Variants in ELMO1 observed in about 807,000 individuals in gnomAD.
The protein encoded by ELMO1 is engulfment and cell motility protein 1.
A neutral mutation model predicts 98.9 loss-of-function variants in ELMO1; 26 were observed. The observed-to-expected ratio is 0.26, with a 90% CI of 0.19 to 0.36. The LOEUF (loss-of-function observed/expected upper bound fraction) is 0.36. Among genes scored for constraint, ELMO1 ranks in the 10% least tolerant of loss-of-function variants. The pLI is 1.00. For missense variants in ELMO1, 627 were observed against 935.2 expected (o/e 0.67, Z 4.30); for synonymous variants, 346 against 346.0 (o/e 1.00, Z 0.00).
intron 16 of ELMO1, among the ~76,000 whole-genome samples, chr7:37,005,107 C>CAAAAAAA (rs35665315): frequency 5.0e-4 from 19 of 38,266 alleles, no homozygotes; most frequent in South Asian, 3.1e-3. Flanking sequence ...GGCTCTGTCT[C>CAAAAAAA]AAAAAAAAAA....
At chr7:37,042,777 C>T (rs1365051944) in intron 15 of ELMO1, among the ~76,000 whole-genome samples, 1 of 152,156 alleles carries the variant, frequency 6.6e-6, no homozygotes, top group African/African-American at 2.4e-5. Context: ...CTCCTCATGG[C>T]TGCTTTCTTT....
intron 16 of ELMO1, among the ~76,000 whole-genome samples, chr7:36,927,928 C>G (rs1289158297): frequency 6.6e-6 from 1 of 152,124 alleles, no homozygotes; most frequent in East Asian, 1.9e-4. Flanking sequence ...TGATTGATCT[C>G]ACAACAGTTC....
chr7:37,024,750 T>A (rs1794472393), intron 15 of ELMO1, among the ~76,000 whole-genome samples: 1 of 152,234 alleles, frequency 6.6e-6, no homozygotes, highest in African/African-American at 2.4e-5. Context: ...CACCTGACAT[T>A]TGGTAAGCAC....
At chr7:37,182,279 C>T (rs1017039080) in intron 13 of ELMO1, among the ~76,000 whole-genome samples, 5 of 152,074 alleles carry the variant, frequency 3.3e-5, no homozygotes, top group East Asian at 3.9e-4. Flanking sequence ...CCGGCAGATA[C>T]GGTAGGGCAG....
intron 13 of ELMO1, among the ~76,000 whole-genome samples, chr7:37,167,118 T>C (rs528968654): frequency 4.6e-5 from 7 of 152,266 alleles, no homozygotes; most frequent in African/African-American, 1.7e-4. Flanking sequence ...CTTTTGATCT[T>C]TGTTGCTTTA....
intron 15 of ELMO1, among the ~76,000 whole-genome samples, chr7:37,086,906 G>A (rs1347051718): frequency 6.7e-6 from 1 of 149,464 alleles, no homozygotes; most frequent in Non-Finnish European, 1.5e-5. Context: ...AATGTGATAT[G>A]AGCCTGTCCA....
At chr7:36,956,838 G>A (rs551944849) in intron 16 of ELMO1, among the ~76,000 whole-genome samples, 124 of 152,278 alleles carry the variant, frequency 8.1e-4, no homozygotes, top group Non-Finnish European at 1.4e-3. Flanking sequence ...TTACAACGCC[G>A]GAAAAAATGG....
chr7:37,238,991 T>C (rs913410167), intron 7 of ELMO1, among the ~76,000 whole-genome samples: 41 of 152,186 alleles, frequency 2.7e-4, no homozygotes, highest in Non-Finnish European at 5.9e-4. Context: ...TCCTGTATTG[T>C]CTTTGCCAGG....
intron 1 of ELMO1, among the ~76,000 whole-genome samples, chr7:37,386,713 C>T (rs533293089): frequency 1.3e-5 from 2 of 152,148 alleles, no homozygotes; most frequent in African/African-American, 4.8e-5. Context: ...AAGTAGAGAT[C>T]CAGGGTCCAA....
intron 15 of ELMO1, among the ~76,000 whole-genome samples, chr7:37,024,291 C>A (rs56214651): frequency 0.027 from 4,037 of 152,306 alleles, 166 homozygotes; most frequent in African/African-American, 0.086. Context: ...GCTGAAGAAA[C>A]TGGCAGGCAT....
chr7:36,903,067 C>T (rs1783697011), intron 16 of ELMO1, among the ~76,000 whole-genome samples: 2 of 152,338 alleles, frequency 1.3e-5, no homozygotes, highest in Non-Finnish European at 1.5e-5. Context: ...GAAGGCCAGC[C>T]TCTCCAATGC....
chr7:36,932,956 C>G (rs191396112), intron 16 of ELMO1, among the ~76,000 whole-genome samples: 1 of 152,222 alleles, frequency 6.6e-6, no homozygotes, highest in Non-Finnish European at 1.5e-5. Context: ...CGGATGCCTT[C>G]CCAGGGCTGG....
At chr7:37,088,979 G>A (rs1783925249) in intron 15 of ELMO1, among the ~76,000 whole-genome samples, 1 of 152,074 alleles carries the variant, frequency 6.6e-6, no homozygotes, top group Non-Finnish European at 1.5e-5. Flanking sequence ...ATAAGCAAGA[G>A]TACAAGCTCG....
chr7:37,420,854 G>T (rs1002378239), intron 1 of ELMO1, among the ~76,000 whole-genome samples: 1 of 152,186 alleles, frequency 6.6e-6, no homozygotes, highest in Non-Finnish European at 1.5e-5. Flanking sequence ...TGTCCATCTT[G>T]CTGGCTCTCT....
At chr7:37,052,552 C>T (rs757799809) in intron 15 of ELMO1, among the ~76,000 whole-genome samples, 3 of 152,044 alleles carry the variant, frequency 2.0e-5, no homozygotes, top group Admixed American at 2.0e-4. Context: ...TACCATGGGA[C>T]GACTCTGGAA....
At chr7:37,335,372 G>C (rs1036008744) in intron 2 of ELMO1, among the ~76,000 whole-genome samples, 3 of 152,070 alleles carry the variant, frequency 2.0e-5, no homozygotes, top group African/African-American at 7.2e-5. Context: ...TGAATGTGCG[G>C]GAACAAGCGT....
chr7:36,873,402 C>T (rs963998580), intron 19 of ELMO1, among the ~76,000 whole-genome samples: 4 of 152,164 alleles, frequency 2.6e-5, no homozygotes, highest in African/African-American at 9.6e-5. Flanking sequence ...AAGAAGTGGG[C>T]TCCAGATCTG....
At position 36,877,930 on chromosome 7, in the gene ELMO1, A is replaced by G. The variant is rs1366936335; in HGVS notation, c.1822+80T>C. 5 of 1,082,628 alleles carry G rather than the reference A, an allele frequency of 4.6e-6. No individual in the cohort carries two copies. The African/African-American group carries it at 7.8e-5, about 17-fold the overall frequency. 67.1% of individuals were successfully genotyped at this position (1,082,628 alleles called of 1,614,324 possible). A position where few individuals can be genotyped will look rare whatever the true frequency, so the allele number is the denominator to read the frequency against. ...GTTCAAAGGGCTTACTTAGGCTGAT[A>G]GTTCTGTTGCGTGATATATTGTGAC... On this transcript the variant is annotated intron_variant, in intron 19 of 21. Coordinates refer to ENST00000310758, the MANE Select transcript of ELMO1 (RefSeq NM_014800.11).
intron 11 of ELMO1, among the ~76,000 whole-genome samples, 196 bp from the exon 12 acceptor site, chr7:37,213,653 G>T (rs6462742): frequency 0.28 from 41,922 of 151,878 alleles, 6,360 homozygotes; most frequent in African/African-American, 0.4. Context: ...CAGGTCACAG[G>T]CCATGAAAAA....
Sources: allele counts gnomAD v4.1 joint callset (sites outside exome capture counted in the v4.1 genomes callset), GRCh38; gene constraint gnomAD v4.1.1; transcripts MANE v1.5; gene names NCBI Gene and HGNC (gene_info 2026-07-23, HGNC 2026-07-21).